THAP3: variants seen among roughly 807,000 people sequenced by gnomAD.
The protein encoded by THAP3 is THAP domain-containing protein 3.
THAP3 carries 12 observed loss-of-function variants against 17.7 expected under a neutral mutation model. That is an observed-to-expected ratio of 0.68 (90% CI 0.43 to 1.10). The LOEUF (loss-of-function observed/expected upper bound fraction) is 1.10. THAP3 is among the 50% of genes least tolerant of loss of function. The pLI is 0.00. For synonymous variants in THAP3, 133 were observed against 126.9 expected (o/e 1.05, Z -0.32); for missense variants, 289 against 318.0 (o/e 0.91, Z 0.69).
At position 6,632,971 on chromosome 1, in the gene THAP3, G is replaced by C; in HGVS notation, c.614G>C (p.Arg205Pro). 1 of 1,612,936 alleles carries C rather than the reference G, an allele frequency of 6.2e-7. No individual in the cohort carries two copies. The highest frequency in any genetic ancestry group is 2.2e-5 in the East Asian group (1 of 44,892). ...AAGGAAAATGAAAAGCTCCGGAAGCGCTTGCAGGCCCAGAGGCTGGTGATG... is the reference window on the plus strand; with the variant it reads ...AAGGAAAATGAAAAGCTCCGGAAGCCCTTGCAGGCCCAGAGGCTGGTGATG... ...TLKENEKLRK[R>P]LQAQRLVMRR... Residue 205 changes from arginine to proline, a missense_variant, in exon 6 of 6, where the codon CGC (arginine) becomes CCC (proline). By Grantham distance (103) the Arg-to-Pro change is moderately radical. Coordinates refer to ENST00000054650, the MANE Select transcript of THAP3 (RefSeq NM_001195753.2).
intron 3 of THAP3, among the ~76,000 whole-genome samples, 153 bp downstream of exon 3, chr1:6,628,844 T>C (rs1428266953): frequency 6.6e-6 from 1 of 152,224 alleles, no homozygotes; most frequent in Non-Finnish European, 1.5e-5. Context: ...TCCACAGCCC[T>C]GTGGCCCTGC....
At chr1:6,628,294 G>T in intron 2 of THAP3, 1 of 526,932 alleles carries the variant, frequency 1.9e-6, no homozygotes, top group Non-Finnish European at 3.3e-6. Flanking sequence ...CTCTGGCCAT[G>T]CTCGTGGTCT....
At chr1:6,628,992 A>C (rs1641537558) in intron 3 of THAP3, among the ~76,000 whole-genome samples, 1 of 152,240 alleles carries the variant, frequency 6.6e-6, no homozygotes, top group Non-Finnish European at 1.5e-5. Flanking sequence ...ACCTGAGGTC[A>C]GGAATTCGAT....
rs1191141234 is a variant in THAP3, at chr1:6,625,174, G to C, written c.-45G>C. ...GGTCCCTCCCCTCTCCGCAGGCCCC[G>C]CCGCCGCCGCCATCTTTGTTGGGGG... On this transcript the variant is annotated 5_prime_UTR_variant, in exon 2 of 6. Coordinates refer to ENST00000054650, the MANE Select transcript of THAP3 (RefSeq NM_001195753.2). 14 of 1,214,236 alleles carry C rather than the reference G, an allele frequency of 1.2e-5. No individual in the cohort carries two copies. The highest frequency in any genetic ancestry group is 3.3e-5 in the East Asian group (1 of 30,606). The allele number at this position is 1,214,236 out of a possible 1,614,324, so 75.2% of individuals were successfully genotyped here. A position where few individuals can be genotyped will look rare whatever the true frequency, so the allele number is the denominator to read the frequency against.
At position 6,627,304 on chromosome 1, in the gene THAP3, G is replaced by A. The variant is rs549259072; in HGVS notation, c.75-1195G>A. Among the ~76,000 whole-genome samples the A allele has an allele frequency of 9.9e-5, 15 of 152,272 alleles. No individual in the cohort carries two copies. The East Asian group carries it at 2.5e-3, about 25-fold the overall frequency. Reference sequence around the variant, plus strand: ...CTGACATCTCCAGATGCGTGTGGCCGCCTGTCACCCCAGCACATGGAGAGC... The same window carrying A: ...CTGACATCTCCAGATGCGTGTGGCCACCTGTCACCCCAGCACATGGAGAGC... On this transcript the variant is annotated intron_variant, in intron 2 of 5. Transcript: ENST00000054650.
chr1:6,631,912 T>C (rs1354488877), intron 4 of THAP3, among the ~76,000 whole-genome samples: 1 of 148,380 alleles, frequency 6.7e-6, no homozygotes, highest in Non-Finnish European at 1.5e-5. Context: ...TAGCCAGGTG[T>C]AGTGGCATGT....
downstream of THAP3, chr1:6,635,508 A>G: frequency 1.4e-6 from 1 of 738,386 alleles, no homozygotes; most frequent in Non-Finnish European, 2.2e-6. Flanking sequence ...AGCACCCTCA[A>G]AAGCTGGGGT....
intron 5 of THAP3, 101 bp from the exon 6 acceptor site, chr1:6,632,695 C>A: frequency 2.0e-6 from 3 of 1,495,768 alleles, no homozygotes; most frequent in Non-Finnish European, 2.8e-6. Flanking sequence ...GAGTGTCTAG[C>A]TGCCCTGGGG....
chr1:6,628,363 T>G, intron 2 of THAP3, 136 bp from the exon 3 acceptor site: 1 of 700,494 alleles, frequency 1.4e-6, no homozygotes, highest in Non-Finnish European at 2.3e-6. Flanking sequence ...AAATTAGATG[T>G]GATTTAATAA....
At chr1:6,625,627 G>C (rs563318614) in intron 2 of THAP3, among the ~76,000 whole-genome samples, 1 of 152,150 alleles carries the variant, frequency 6.6e-6, no homozygotes, top group Non-Finnish European at 1.5e-5. Context: ...CCTGAAGGGA[G>C]CCCGGCACCT....
intron 5 of THAP3, 120 bp downstream of exon 5, chr1:6,632,615 G>A: frequency 6.7e-7 from 1 of 1,488,240 alleles, no homozygotes; most frequent in Non-Finnish European, 9.1e-7. Flanking sequence ...GTGCAGCCTG[G>A]GTTTCAGAGC....
At chr1:6,634,229 C>T (rs1025383676), downstream of THAP3, 11 of 921,028 alleles carry the variant, frequency 1.2e-5, no homozygotes, top group African/African-American at 1.7e-4. Context: ...GCAAATGAAA[C>T]GCAGAGGATG....
Position 6,625,217 on chromosome 1 carries a change from A to G in THAP3, c.-2A>G, listed in dbSNP as rs974897749. The G allele has an allele frequency of 1.7e-5, 26 of 1,541,314 alleles. No individual in the cohort carries two copies. Among genetic ancestry groups the G allele is most frequent in the Non-Finnish European group, 2.0e-5 (23 of 1,145,064 alleles). On this transcript the variant is annotated 5_prime_UTR_variant, in exon 2 of 6. Coordinates refer to ENST00000054650, the MANE Select transcript of THAP3 (RefSeq NM_001195753.2). ...GTTGGGGGCAGCCAGGCCTGGCTCG[A>G]GATGCCGAAGTCGTGCGCGGCCCGG...
downstream of THAP3, chr1:6,635,359 G>A (rs570881263): frequency 5.5e-5 from 16 of 288,714 alleles, no homozygotes; most frequent in East Asian, 1.4e-4. Context: ...ACAGGGCGGC[G>A]GGCTGCGGTC....
At chr1:6,626,666 C>T (rs1641477274) in intron 2 of THAP3, among the ~76,000 whole-genome samples, 1 of 152,078 alleles carries the variant, frequency 6.6e-6, no homozygotes, top group African/African-American at 2.4e-5. Context: ...GGTGAAACCC[C>T]GTCTCTACTT....
chr1:6,635,513 T>TG (rs1641745448), downstream of THAP3: 1 of 756,344 alleles, frequency 1.3e-6, no homozygotes, highest in Non-Finnish European at 2.1e-6. Context: ...CCTCAAAAGC[T>TG]GGGGTGTCTG....
At chr1:6,634,034 T>C (rs778231143), downstream of THAP3, 1 of 1,613,688 alleles carries the variant, frequency 6.2e-7, no homozygotes, top group South Asian at 1.1e-5. Flanking sequence ...TGTTGTTTAA[T>C]GTAGAAAATG....
In THAP3 at chr1:6,632,996, G is replaced by A. The variant is rs369312220; in HGVS notation, c.639G>A (p.Met213Ile). The A allele has an allele frequency of 6.2e-6, 10 of 1,612,710 alleles. No individual in the cohort carries two copies. The highest frequency in any genetic ancestry group is 8.5e-6 in the Non-Finnish European group (10 of 1,179,876). Residue 213 changes from methionine (M) to isoleucine (I), a missense_variant, in exon 6 of 6, where the codon ATG becomes ATA. Physicochemically the swap from Met to Ile is conservative, Grantham distance 10 (BLOSUM62 1). Coordinates refer to ENST00000054650, the MANE Select transcript of THAP3 (RefSeq NM_001195753.2). ...GCTTGCAGGCCCAGAGGCTGGTGATGCGAAGGATGTCCAGCCGCCTCCGTG... is the reference window on the plus strand; with the variant it reads ...GCTTGCAGGCCCAGAGGCTGGTGATACGAAGGATGTCCAGCCGCCTCCGTG... ...RKRLQAQRLV[M>I]RRMSSRLRAC...
At chr1:6,634,530 C>T (rs752106891), downstream of THAP3, 6 of 1,362,498 alleles carry the variant, frequency 4.4e-6, no homozygotes, top group South Asian at 6.9e-5. Flanking sequence ...GCTGTCTCAG[C>T]CACCACCTGT....
Sources: gnomAD v4.1 joint callset for allele counts (sites outside exome capture counted in the v4.1 genomes callset) on GRCh38, gnomAD v4.1.1 for gene constraint, MANE v1.5 for transcripts, NCBI Gene and HGNC (gene_info 2026-07-23, HGNC 2026-07-21) for gene names.